Variants in GADL1 observed in about 807,000 individuals in gnomAD.
GADL1 encodes the protein acidic amino acid decarboxylase GADL1.
GADL1 carries 71 observed loss-of-function variants against 69.5 expected under a neutral mutation model. The observed-to-expected ratio is 1.02, with a 90% CI of 0.84 to 1.25. The LOEUF (loss-of-function observed/expected upper bound fraction) is 1.25. GADL1 is among the 50% of genes most tolerant of loss of function. The pLI is 0.00. For synonymous variants in GADL1, 254 were observed against 214.4 expected, an observed-to-expected ratio of 1.18 and a Z score of -1.62; for missense variants, 737 against 631.8, an observed-to-expected ratio of 1.17 and a Z score of -1.79.
At chr3:30,774,572 TATGC>T (rs1696490357) in intron 14 of GADL1, among the ~76,000 whole-genome samples, 1 of 143,682 alleles carries the variant, frequency 7.0e-6, no homozygotes, top group South Asian at 2.2e-4. Flanking sequence ...TCTAAGAGTA[TATGC>T]AAGAATCTTA....
chr3:30,784,318 G>T (rs143437718), intron 13 of GADL1, among the ~76,000 whole-genome samples: 2 of 151,978 alleles, frequency 1.3e-5, no homozygotes, highest in Non-Finnish European at 2.9e-5. Flanking sequence ...ATGCCTCTTC[G>T]GTCTCTTTGA....
intron 1 of GADL1, among the ~76,000 whole-genome samples, chr3:30,868,789 T>C (rs1698440602): frequency 1.3e-5 from 2 of 151,894 alleles, no homozygotes; most frequent in Non-Finnish European, 1.5e-5. Flanking sequence ...GTCTCTTTAA[T>C]TGTTCAGAGC....
At chr3:30,786,972 T>A (rs1429750651) in intron 12 of GADL1, among the ~76,000 whole-genome samples, 1 of 152,096 alleles carries the variant, frequency 6.6e-6, no homozygotes, top group African/African-American at 2.4e-5. Context: ...TGCATGTTCT[T>A]GCTTATAAGT....
chr3:30,830,263 C>T (rs1229297530), intron 11 of GADL1, among the ~76,000 whole-genome samples: 1 of 151,872 alleles, frequency 6.6e-6, no homozygotes, highest in East Asian at 1.9e-4. Context: ...TCCCCCCCTG[C>T]CAGCTTATGA....
intron 8 of GADL1, among the ~76,000 whole-genome samples, chr3:30,843,672 C>G (rs1413717039): frequency 6.6e-6 from 1 of 152,164 alleles, no homozygotes; most frequent in Non-Finnish European, 1.5e-5. Context: ...ATTCTAGCAG[C>G]TAAGGAAGAA....
chr3:30,869,085 A>ACT (rs397793287), intron 1 of GADL1, among the ~76,000 whole-genome samples: 2 of 151,578 alleles, frequency 1.3e-5, no homozygotes, highest in East Asian at 3.9e-4. Flanking sequence ...AGTAAAAAAC[A>ACT]GTCTCTGTTC....
intron 14 of GADL1, among the ~76,000 whole-genome samples, chr3:30,754,656 T>C (rs375340768): frequency 5.3e-5 from 8 of 152,102 alleles, no homozygotes; most frequent in African/African-American, 1.7e-4. Flanking sequence ...CCTGTGAAAT[T>C]ATACTGCAGA....
chr3:30,885,561 G>A (rs1359024480), intron 1 of GADL1, among the ~76,000 whole-genome samples: 2 of 151,958 alleles, frequency 1.3e-5, no homozygotes, highest in Admixed American at 1.3e-4. Flanking sequence ...ATGAATCTAA[G>A]AAAAATTCTA....
At chr3:30,780,045 T>C (rs1395928853) in intron 13 of GADL1, among the ~76,000 whole-genome samples, 2 of 152,160 alleles carry the variant, frequency 1.3e-5, no homozygotes, top group Non-Finnish European at 2.9e-5. Context: ...TACACCCCTT[T>C]CAGGTGGCAT....
chr3:30,761,062 T>C (rs1464625374), intron 14 of GADL1, among the ~76,000 whole-genome samples: 1 of 152,228 alleles, frequency 6.6e-6, no homozygotes, highest in Non-Finnish European at 1.5e-5. Flanking sequence ...TATTGTATAT[T>C]TTGAATGGAA....
At chr3:30,851,947 C>G (rs1269482489) in intron 4 of GADL1, among the ~76,000 whole-genome samples, 3 of 151,946 alleles carry the variant, frequency 2.0e-5, no homozygotes, top group African/African-American at 7.3e-5. Flanking sequence ...TATTTATTTT[C>G]TCTCTCCAGA....
chr3:30,789,309 TTTTTTC>T (rs1696865134), intron 12 of GADL1, among the ~76,000 whole-genome samples: 1 of 152,102 alleles, frequency 6.6e-6, no homozygotes, highest in African/African-American at 2.4e-5. Context: ...AAAAGAATCT[TTTTTTC>T]TGAGCAGTAA....
intron 14 of GADL1, among the ~76,000 whole-genome samples, chr3:30,758,732 T>C (rs552607606): frequency 2.0e-4 from 31 of 152,358 alleles, no homozygotes; most frequent in Admixed American, 1.9e-3. Flanking sequence ...GAGGACTCCA[T>C]TGTATTTCCA....
At chr3:30,846,814 C>T (rs1575232531) in intron 6 of GADL1, among the ~76,000 whole-genome samples, 2 of 152,084 alleles carry the variant, frequency 1.3e-5, no homozygotes, top group East Asian at 3.9e-4. Context: ...AATCACATCC[C>T]ATCGCAACTC....
intron 11 of GADL1, among the ~76,000 whole-genome samples, chr3:30,804,916 A>G (rs1697225553): frequency 6.6e-6 from 1 of 152,228 alleles, no homozygotes. Flanking sequence ...CCAATTGGCA[A>G]AAGAGCCTGG....
At chr3:30,808,235 C>T (rs1697290716) in intron 11 of GADL1, among the ~76,000 whole-genome samples, 1 of 151,920 alleles carries the variant, frequency 6.6e-6, no homozygotes, top group African/African-American at 2.4e-5. Context: ...GTGGCCTACG[C>T]CTGTAATCCC....
intron 2 of GADL1, among the ~76,000 whole-genome samples, chr3:30,857,557 G>T (rs190963503): frequency 5.3e-5 from 8 of 151,962 alleles, no homozygotes; most frequent in African/African-American, 1.9e-4. Flanking sequence ...GAAATGGAGA[G>T]GAAATAAACA....
chr3:30,795,601 ATAT>A (rs1266829181), intron 12 of GADL1, among the ~76,000 whole-genome samples: 2 of 152,184 alleles, frequency 1.3e-5, no homozygotes, highest in Non-Finnish European at 2.9e-5. Context: ...ATTGAGAAAA[ATAT>A]TCTATCTTTC....
chr3:30,889,829 T>G (rs889152618), intron 1 of GADL1, among the ~76,000 whole-genome samples: 1 of 152,214 alleles, frequency 6.6e-6, no homozygotes, highest in South Asian at 2.1e-4. Flanking sequence ...ATATACATAG[T>G]TTATATTTCT....
Sources: allele counts gnomAD v4.1 joint callset (sites outside exome capture counted in the v4.1 genomes callset), GRCh38; gene constraint gnomAD v4.1.1; transcripts MANE v1.5; gene names NCBI Gene and HGNC (gene_info 2026-07-23, HGNC 2026-07-21).